The following CELF2 variants were observed in gnomAD, a reference collection of about 807,000 sequenced individuals.
The protein encoded by CELF2 is CUGBP Elav-like family member 2.
CELF2 carries 8 observed loss-of-function variants against 62.6 expected under a neutral mutation model. The ratio of observed to expected loss-of-function variants is 0.13; its 90% CI spans 0.07 to 0.23. The LOEUF (loss-of-function observed/expected upper bound fraction) is 0.23, where lower values mean the gene tolerates loss of function less well. Among genes scored for constraint, CELF2 ranks in the 10% least tolerant of loss-of-function variants. The pLI is 1.00. For synonymous variants in CELF2, 258 were observed against 250.0 expected (o/e 1.03, Z -0.30); for missense variants, 333 against 671.0 (o/e 0.50, Z 5.56).
the CELF2 span, among the ~76,000 whole-genome samples, chr10:10,689,205 G>A: frequency 6.6e-6 from 1 of 152,102 alleles, no homozygotes; most frequent in East Asian, 1.9e-4. Flanking sequence ...GCATTACCAG[G>A]AGGCCTCAGG....
the CELF2 span, among the ~76,000 whole-genome samples, chr10:10,609,109 G>A: frequency 1.3e-5 from 2 of 152,272 alleles, no homozygotes; most frequent in Admixed American, 6.5e-5. Flanking sequence ...TCATTTTAGT[G>A]TAGGCAGTCT....
intron 1 of CELF2, among the ~76,000 whole-genome samples, chr10:11,130,798 T>C (rs1466240496): frequency 1.3e-5 from 2 of 152,238 alleles, no homozygotes; most frequent in African/African-American, 4.8e-5. Flanking sequence ...ATGTGAGAAT[T>C]CCTTTTTCTG....
the CELF2 span, among the ~76,000 whole-genome samples, chr10:10,642,645 T>C: frequency 6.6e-6 from 1 of 152,366 alleles, no homozygotes; most frequent in Non-Finnish European, 1.5e-5. Flanking sequence ...ACTCATAATA[T>C]GAAAATATGG....
chr10:11,111,945 A>G (rs1210066697), intron 1 of CELF2, among the ~76,000 whole-genome samples: 1 of 152,248 alleles, frequency 6.6e-6, no homozygotes, highest in Non-Finnish European at 1.5e-5. Flanking sequence ...AGTCAGTGCA[A>G]CCTGTATGCT....
intron 2 of CELF2, among the ~76,000 whole-genome samples, chr10:11,204,461 G>A (rs2059963374): frequency 6.6e-6 from 1 of 152,194 alleles, no homozygotes; most frequent in African/African-American, 2.4e-5. Context: ...ATAGGGGAAG[G>A]GGGTGTGAAA....
At chr10:10,575,912 T>A in the CELF2 span, among the ~76,000 whole-genome samples, 31 of 152,198 alleles carry the variant, frequency 2.0e-4, no homozygotes, top group Non-Finnish European at 3.5e-4. Context: ...CCTGGCAAGG[T>A]CCTGAATCAT....
At chr10:11,253,172 C>G (rs2077640618) in intron 4 of CELF2, among the ~76,000 whole-genome samples, 2 of 152,298 alleles carry the variant, frequency 1.3e-5, no homozygotes, top group South Asian at 4.1e-4. Context: ...CCTCTTGCCG[C>G]AAGGGAAGTT....
intron 9 of CELF2, among the ~76,000 whole-genome samples, chr10:11,294,619 A>T (rs890482329): frequency 6.6e-6 from 1 of 152,234 alleles, no homozygotes; most frequent in Non-Finnish European, 1.5e-5. Flanking sequence ...TGTGGGTTTC[A>T]ATCTGTCACA....
At chr10:10,586,958 C>T in the CELF2 span, among the ~76,000 whole-genome samples, 1 of 152,216 alleles carries the variant, frequency 6.6e-6, no homozygotes, top group Non-Finnish European at 1.5e-5. Flanking sequence ...TGGATTGATG[C>T]AGGGTACAGG....
At chr10:11,066,367 C>A (rs1594478679) in intron 1 of CELF2, among the ~76,000 whole-genome samples, 1 of 151,956 alleles carries the variant, frequency 6.6e-6, no homozygotes, top group South Asian at 2.1e-4. Context: ...GTTGATTAAC[C>A]CTGTGACCCT....
chr10:11,277,324 G>C (rs1375694396), intron 8 of CELF2, among the ~76,000 whole-genome samples: 2 of 152,198 alleles, frequency 1.3e-5, no homozygotes, highest in Non-Finnish European at 1.5e-5. Context: ...ATGGGCGATA[G>C]AGGTTCCTTC....
chr10:11,069,714 ACT>A (rs1293649553), intron 1 of CELF2, among the ~76,000 whole-genome samples: 2 of 152,188 alleles, frequency 1.3e-5, no homozygotes, highest in Admixed American at 1.3e-4. Flanking sequence ...TTGGCTTGTC[ACT>A]CTAATTGATT....
chr10:10,985,240 C>G (rs889150203), intron 2 of CELF2, among the ~76,000 whole-genome samples: 2 of 151,658 alleles, frequency 1.3e-5, no homozygotes, highest in African/African-American at 4.8e-5. Flanking sequence ...AATATTTTAT[C>G]ATTTTGAAAA....
At chr10:10,813,314 G>A (rs920146285) in intron 1 of CELF2, among the ~76,000 whole-genome samples, 1 of 152,182 alleles carries the variant, frequency 6.6e-6, no homozygotes, top group Non-Finnish European at 1.5e-5. Flanking sequence ...CAGGGTGCAG[G>A]TGTTTCTGTT....
the CELF2 span, among the ~76,000 whole-genome samples, chr10:10,601,517 C>A: frequency 6.6e-6 from 1 of 152,076 alleles, no homozygotes; most frequent in Admixed American, 6.6e-5. Context: ...CAGGAAAGCT[C>A]CTTCTGAAAT....
intron 1 of CELF2, among the ~76,000 whole-genome samples, chr10:11,050,372 G>C (rs958774147): frequency 6.6e-6 from 1 of 152,200 alleles, no homozygotes; most frequent in African/African-American, 2.4e-5. Flanking sequence ...ATTTGGGCTT[G>C]GGTTTCAGAT....
the CELF2 span, among the ~76,000 whole-genome samples, chr10:10,729,408 G>T: frequency 3.3e-5 from 5 of 152,058 alleles, no homozygotes; most frequent in Admixed American, 6.6e-5. Flanking sequence ...GTTTTTCCTC[G>T]CAACGGCTGC....
At chr10:11,310,319 C>T (rs1403827998) in intron 9 of CELF2, among the ~76,000 whole-genome samples, 1 of 152,122 alleles carries the variant, frequency 6.6e-6, no homozygotes, top group Non-Finnish European at 1.5e-5. Context: ...GCCATACCTG[C>T]CCAGGGTAGA....
rs1257115825 is a variant in CELF2, at chr10:11,247,361, C to T, written c.355-1792C>T. On this transcript the variant is annotated intron_variant, in intron 3 of 12. Coordinates refer to ENST00000633077, the MANE Select transcript of CELF2 (RefSeq NM_001326342.2). The surrounding 1 kb of genome is among the most constrained non-coding windows in gnomAD (Gnocchi z 5.4). ...TGTCACCCTTCCACTTCCTGGGTCACTGCGGGGCTGCCCCGTGAGTTTCAC... is the reference window on the plus strand; with the variant it reads ...TGTCACCCTTCCACTTCCTGGGTCATTGCGGGGCTGCCCCGTGAGTTTCAC... Among the ~76,000 whole-genome samples, 1 of 152,238 alleles carries T rather than the reference C, an allele frequency of 6.6e-6. No individual in the cohort carries two copies. Among genetic ancestry groups the T allele is most frequent in the Admixed American group, 6.5e-5 (1 of 15,294 alleles).
Sources: gnomAD v4.1 joint callset for allele counts (sites outside exome capture counted in the v4.1 genomes callset) on GRCh38, gnomAD v4.1.1 for gene constraint, Gnocchi (gnomAD v3.1) non-coding constraint, MANE v1.5 for transcripts, NCBI Gene and HGNC (gene_info 2026-07-23, HGNC 2026-07-21) for gene names.